FSTL4: variants seen among roughly 807,000 people sequenced by gnomAD.
The protein encoded by FSTL4 is follistatin-related protein 4.
Under a neutral mutation model 78.2 loss-of-function variants are expected in FSTL4, and 28 were observed. That is an observed-to-expected ratio of 0.36 (90% CI 0.27 to 0.49). The LOEUF is 0.49. Among genes scored for constraint, FSTL4 ranks in the 20% least tolerant of loss-of-function variants. The pLI is 0.98. For missense variants in FSTL4, 922 were observed against 1,084.9 expected (o/e 0.85, Z 2.11); for synonymous variants, 422 against 440.5 (o/e 0.96, Z 0.53).
At position 133,238,183 on chromosome 5, in the gene FSTL4, A is replaced by G. The variant is rs184195286; in HGVS notation, c.895-4646T>C. 2.8e-3 allele frequency among the ~76,000 whole-genome samples: 427 copies of G among 152,360 alleles called. 3 individuals carry two copies. The highest frequency in any genetic ancestry group is 0.01 in the African/African-American group (418 of 41,588). ...TGAATATTTAGAGACTAAATGTTCA[A>G]CGCAAGGACTCCAGAGTAATATTAG... On this transcript the variant is annotated intron_variant, in intron 7 of 15. Coordinates refer to ENST00000265342, the MANE Select transcript of FSTL4 (RefSeq NM_015082.2).
rs80240558 is a variant in FSTL4, at chr5:133,398,189, G to A, written c.409+2549C>T. On this transcript the variant is annotated intron_variant, in intron 4 of 15. Coordinates refer to ENST00000265342, the MANE Select transcript of FSTL4 (RefSeq NM_015082.2). ...GGCTGGCCTGCCTTCCATCCGTCAG[G>A]CTCCTGTGAATCAGTGCCCAGGTCT... 7.4e-3 allele frequency among the ~76,000 whole-genome samples: 1,132 copies of A among 152,298 alleles called. 7 individuals carry two copies. The highest frequency in any genetic ancestry group is 0.011 in the Non-Finnish European group (776 of 68,026).
chr5:133,621,921 A>C, the FSTL4 span, among the ~76,000 whole-genome samples: 6 of 152,204 alleles, frequency 3.9e-5, no homozygotes, highest in Admixed American at 3.3e-4. Flanking sequence ...CAATGGTAAC[A>C]ACTTGAAAAA....
intron 3 of FSTL4, among the ~76,000 whole-genome samples, chr5:133,471,578 T>C (rs1757827737): frequency 6.6e-6 from 1 of 152,174 alleles, no homozygotes; most frequent in African/African-American, 2.4e-5. Context: ...AAGTGGGCCC[T>C]CACCAGACTC....
intron 3 of FSTL4, among the ~76,000 whole-genome samples, chr5:133,408,800 C>T (rs1220125376): frequency 6.6e-6 from 1 of 152,150 alleles, no homozygotes; most frequent in Non-Finnish European, 1.5e-5. Flanking sequence ...TTGCCCCTTA[C>T]AGGATTGCTT....
chr5:133,601,698 T>TTC (rs377291709), intron 2 of FSTL4, among the ~76,000 whole-genome samples: 12 of 149,524 alleles, frequency 8.0e-5, no homozygotes, highest in Non-Finnish European at 1.6e-4. Flanking sequence ...TTTTTTTTTT[T>TTC]CTCAGACATG....
chr5:133,637,446 G>T, the FSTL4 span, among the ~76,000 whole-genome samples: 1 of 152,082 alleles, frequency 6.6e-6, no homozygotes, highest in African/African-American at 2.4e-5. Flanking sequence ...AGGGGCTGGA[G>T]ACTATGCATA....
chr5:133,751,193 G>T, the FSTL4 span, among the ~76,000 whole-genome samples: 1 of 152,122 alleles, frequency 6.6e-6, no homozygotes, highest in East Asian at 1.9e-4. Flanking sequence ...CCAAGCAAGA[G>T]TTCTCACTCC....
chr5:133,377,552 G>A (rs1755465875), intron 4 of FSTL4, among the ~76,000 whole-genome samples: 1 of 152,112 alleles, frequency 6.6e-6, no homozygotes, highest in African/African-American at 2.4e-5. Flanking sequence ...ATTAAGAGGA[G>A]GCTGGTAGCT....
the FSTL4 span, among the ~76,000 whole-genome samples, chr5:133,783,130 A>G: frequency 6.6e-6 from 1 of 152,152 alleles, no homozygotes; most frequent in South Asian, 2.1e-4. Flanking sequence ...CCAAGTACAC[A>G]AACTCCCAAG....
chr5:133,743,218 C>T, the FSTL4 span, among the ~76,000 whole-genome samples: 1 of 152,106 alleles, frequency 6.6e-6, no homozygotes, highest in African/African-American at 2.4e-5. Flanking sequence ...AGTGAGGCAG[C>T]TGAGACTAGG....
rs1761096556 is a variant in FSTL4 at position 133,611,669 on chromosome 5, G to A, written c.-11+656C>T. 6.6e-6 allele frequency among the ~76,000 whole-genome samples: 1 copy of A among 152,206 alleles called. No homozygotes were observed. The highest frequency in any genetic ancestry group is 2.1e-4 in the South Asian group (1 of 4,834). On this transcript the variant is annotated intron_variant, in intron 1 of 15. Coordinates refer to ENST00000265342, the MANE Select transcript of FSTL4 (RefSeq NM_015082.2). The surrounding 1 kb of genome is among the most constrained non-coding windows in gnomAD (Gnocchi z 4.9). ...CTGGACCGCGGCCGGCTACGCACAA[G>A]CAGCGCCGCAGGCTGCCTGGAGTCG...
the FSTL4 span, among the ~76,000 whole-genome samples, chr5:133,831,492 G>A: frequency 2.0e-5 from 3 of 152,072 alleles, no homozygotes; most frequent in South Asian, 2.1e-4. Flanking sequence ...GGCTAATGGC[G>A]TTATTAATAC....
In FSTL4 at chr5:133,534,869, C is replaced by T. The variant is rs79163191; in HGVS notation, c.160+32317G>A. Among the ~76,000 whole-genome samples the T allele has an allele frequency of 4.0e-3, 608 of 152,264 alleles. 3 individuals carry two copies. Among genetic ancestry groups the T allele is most frequent in the Non-Finnish European group, 6.4e-3 (435 of 68,038 alleles). On this transcript the variant is annotated intron_variant, in intron 3 of 15. Coordinates refer to ENST00000265342, the MANE Select transcript of FSTL4 (RefSeq NM_015082.2). ...TCCCTTCCTTTTTTCCATGCAACCT[C>T]CTTTTCATCCTTTTAATATGTGAGC...
the FSTL4 span, among the ~76,000 whole-genome samples, chr5:133,629,028 G>A: frequency 6.2e-5 from 9 of 145,076 alleles, no homozygotes; most frequent in Admixed American, 4.9e-4. Flanking sequence ...AGTGGTGAGA[G>A]AGGGCATCCT....
intron 3 of FSTL4, among the ~76,000 whole-genome samples, chr5:133,482,845 T>G (rs1758057132): frequency 1.3e-5 from 2 of 151,870 alleles, no homozygotes; most frequent in South Asian, 4.2e-4. Flanking sequence ...TTCCTGGGAA[T>G]GATGACTCCT....
chr5:133,580,499 C>A (rs1760377649), intron 2 of FSTL4, among the ~76,000 whole-genome samples: 1 of 152,214 alleles, frequency 6.6e-6, no homozygotes, highest in African/African-American at 2.4e-5. Context: ...GGGCAACAAA[C>A]AAACACACAA....
intron 3 of FSTL4, among the ~76,000 whole-genome samples, chr5:133,446,327 C>G (rs997138248): frequency 7.9e-5 from 12 of 152,212 alleles, no homozygotes; most frequent in Non-Finnish European, 2.9e-5. Flanking sequence ...GTAATCCCAG[C>G]TACTTGGGAG....
chr5:133,773,858 C>T, the FSTL4 span, among the ~76,000 whole-genome samples: 1 of 152,176 alleles, frequency 6.6e-6, no homozygotes, highest in African/African-American at 2.4e-5. Context: ...GATTGGGTTA[C>T]TCACCCATTT....
the FSTL4 span, among the ~76,000 whole-genome samples, chr5:133,804,330 C>T: frequency 3.3e-5 from 5 of 152,140 alleles, no homozygotes; most frequent in African/African-American, 9.7e-5. Flanking sequence ...CACGATACTG[C>T]ATGGCTGATA....
Sources: allele counts gnomAD v4.1 joint callset (sites outside exome capture counted in the v4.1 genomes callset), GRCh38; gene constraint gnomAD v4.1.1; non-coding constraint Gnocchi (gnomAD v3.1); transcripts MANE v1.5; gene names NCBI Gene and HGNC (gene_info 2026-07-23, HGNC 2026-07-21).